DNM3: variants seen among roughly 807,000 people sequenced by gnomAD.
DNM3 encodes dynamin-3.
Under a neutral mutation model 101.6 loss-of-function variants are expected in DNM3, and 47 were observed. That is an observed-to-expected ratio of 0.46 (90% CI 0.37 to 0.59). DNM3 has a LOEUF of 0.59. DNM3 is among the 20% of genes least tolerant of loss of function. DNM3 has a pLI of 0.00. For synonymous variants in DNM3, 385 were observed against 387.9 expected (o/e 0.99, Z 0.09); for missense variants, 849 against 1,085.7 (o/e 0.78, Z 3.06).
chr1:172,353,286 T>C (rs1344983825), intron 17 of DNM3, among the ~76,000 whole-genome samples: 2 of 152,228 alleles, frequency 1.3e-5, no homozygotes, highest in African/African-American at 4.8e-5. Context: ...TGACTGTTAC[T>C]GGTTTATAAT....
intron 10 of DNM3, among the ~76,000 whole-genome samples, chr1:172,063,375 T>G (rs969951551): frequency 6.6e-6 from 1 of 152,214 alleles, no homozygotes; most frequent in Admixed American, 6.5e-5. Flanking sequence ...CAAGTGTTTT[T>G]TTTTTTCTCT....
intron 1 of DNM3, among the ~76,000 whole-genome samples, chr1:171,918,257 G>A (rs568942804): frequency 1.1e-4 from 17 of 152,276 alleles, no homozygotes; most frequent in African/African-American, 4.1e-4. Flanking sequence ...AACGGTTGGC[G>A]TTTGTTGCAT....
At chr1:172,037,342 T>C (rs2125821050) in intron 6 of DNM3, among the ~76,000 whole-genome samples, 1 of 152,304 alleles carries the variant, frequency 6.6e-6, no homozygotes, top group Non-Finnish European at 1.5e-5. Flanking sequence ...TATGCACACG[T>C]ATGTTTATTG....
intron 2 of DNM3, among the ~76,000 whole-genome samples, chr1:171,962,839 T>C (rs1273191918): frequency 6.6e-6 from 1 of 152,172 alleles, no homozygotes; most frequent in African/African-American, 2.4e-5. Context: ...TTAATGTCAC[T>C]GATTGAACAC....
intron 16 of DNM3, among the ~76,000 whole-genome samples, chr1:172,316,869 C>G (rs893935145): frequency 6.6e-6 from 1 of 152,194 alleles, no homozygotes; most frequent in African/African-American, 2.4e-5. Context: ...GAATTGAACT[C>G]AGCTCTGCAC....
intron 1 of DNM3, among the ~76,000 whole-genome samples, chr1:171,856,369 C>A (rs1022299836): frequency 8.5e-5 from 13 of 152,062 alleles, no homozygotes; most frequent in Admixed American, 2.6e-4. Context: ...TTTTTTGGTT[C>A]CATTTGAATT....
At chr1:171,855,998 G>A (rs2033570692) in intron 1 of DNM3, among the ~76,000 whole-genome samples, 1 of 151,986 alleles carries the variant, frequency 6.6e-6, no homozygotes, top group Non-Finnish European at 1.5e-5. Flanking sequence ...TTATAATTTT[G>A]GGTTTTACAT....
chr1:171,856,656 C>G (rs1284188291), intron 1 of DNM3, among the ~76,000 whole-genome samples: 1 of 151,988 alleles, frequency 6.6e-6, no homozygotes, highest in Non-Finnish European at 1.5e-5. Flanking sequence ...GATTGTGTTC[C>G]TGATTTGGCT....
At chr1:171,961,222 A>G (rs1482234163) in intron 2 of DNM3, among the ~76,000 whole-genome samples, 27 of 152,122 alleles carry the variant, frequency 1.8e-4, no homozygotes. Flanking sequence ...GATGTTGGTG[A>G]GACAATGAGC....
chr1:171,862,674 A>G (rs565060492), intron 1 of DNM3, among the ~76,000 whole-genome samples: 2 of 152,298 alleles, frequency 1.3e-5, no homozygotes, highest in Admixed American at 6.5e-5. Flanking sequence ...TTATAATATC[A>G]TGAATATACT....
chr1:172,388,127 G>A (rs910295350), intron 19 of DNM3, among the ~76,000 whole-genome samples: 9 of 152,018 alleles, frequency 5.9e-5, no homozygotes, highest in Middle Eastern at 3.4e-3. Context: ...CCAGCTACTC[G>A]GGAGGCTGAG....
intron 1 of DNM3, among the ~76,000 whole-genome samples, chr1:171,905,948 T>G (rs181170088): frequency 1.8e-4 from 28 of 152,212 alleles, no homozygotes; most frequent in Middle Eastern, 3.4e-3. Flanking sequence ...AAGCAGACTG[T>G]GATTTAGTAT....
intron 2 of DNM3, among the ~76,000 whole-genome samples, chr1:171,974,974 C>T (rs949360454): frequency 4.0e-5 from 6 of 151,840 alleles, no homozygotes; most frequent in Non-Finnish European, 5.9e-5. Flanking sequence ...CTCAGTTTAC[C>T]GAATAGCTAA....
At chr1:172,135,144 C>T (rs1012830493) in intron 14 of DNM3, among the ~76,000 whole-genome samples, 4 of 151,994 alleles carry the variant, frequency 2.6e-5, no homozygotes, top group African/African-American at 7.2e-5. Context: ...TAAAAATGAA[C>T]GGATTTAAGA....
At chr1:171,899,871 T>G (rs1203817909) in intron 1 of DNM3, among the ~76,000 whole-genome samples, 3 of 152,214 alleles carry the variant, frequency 2.0e-5, no homozygotes, top group Non-Finnish European at 4.4e-5. Context: ...CTAGGCAGGT[T>G]AAGAAAAGTC....
intron 1 of DNM3, among the ~76,000 whole-genome samples, chr1:171,860,262 T>C (rs1437319823): frequency 1.3e-5 from 2 of 152,194 alleles, no homozygotes; most frequent in Non-Finnish European, 2.9e-5. Flanking sequence ...TTCAGTTAAG[T>C]ATGTTTTGGT....
At chr1:172,257,915 GAC>G (rs1557891993) in intron 15 of DNM3, among the ~76,000 whole-genome samples, 14 of 145,222 alleles carry the variant, frequency 9.6e-5, no homozygotes, top group Non-Finnish European at 2.0e-4. Context: ...CAGACAAACA[GAC>G]ACACACACAA....
chr1:172,224,879 T>C (rs1035315605), intron 14 of DNM3, among the ~76,000 whole-genome samples: 1 of 152,170 alleles, frequency 6.6e-6, no homozygotes, highest in African/African-American at 2.4e-5. Context: ...GCCTTGGGGC[T>C]CTCTAGCTTC....
At chr1:172,346,391 G>C (rs2066942125) in intron 17 of DNM3, among the ~76,000 whole-genome samples, 1 of 152,312 alleles carries the variant, frequency 6.6e-6, no homozygotes, top group Non-Finnish European at 1.5e-5. Context: ...GGTAGACAGA[G>C]AGCAAATCGT....
Sources: gnomAD v4.1 joint callset for allele counts (sites outside exome capture counted in the v4.1 genomes callset) on GRCh38, gnomAD v4.1.1 for gene constraint, MANE v1.5 for transcripts, NCBI Gene and HGNC (gene_info 2026-07-23, HGNC 2026-07-21) for gene names.